Variants in ARHGAP24 observed in about 807,000 individuals in gnomAD.
The protein encoded by ARHGAP24 is rho GTPase-activating protein 24.
In ARHGAP24, 50 loss-of-function variants were observed where a neutral mutation model predicts 76.4. The ratio of observed to expected loss-of-function variants is 0.65; its 90% CI spans 0.52 to 0.83. The LOEUF (loss-of-function observed/expected upper bound fraction) is 0.83, where lower values mean the gene tolerates loss of function less well. Among genes scored for constraint, ARHGAP24 ranks in the 40% least tolerant of loss-of-function variants. ARHGAP24 has a pLI of 0.00. For synonymous variants in ARHGAP24, 345 were observed against 323.3 expected, an observed-to-expected ratio of 1.07 and a Z score of -0.72; for missense variants, 930 against 914.2, an observed-to-expected ratio of 1.02 and a Z score of -0.22.
intron 2 of ARHGAP24, among the ~76,000 whole-genome samples, chr4:85,683,635 A>T (rs765867097): frequency 6.7e-6 from 1 of 148,180 alleles, no homozygotes; most frequent in African/African-American, 2.5e-5. Context: ...CAGACACATA[A>T]CATGAGATCT....
chr4:85,570,736 A>C lies in ARHGAP24; in HGVS notation c.180+15A>C. On this transcript the variant is annotated intron_variant, in intron 2 of 9. Transcript: ENST00000395184. ...CCAAGCCCTTGGTGAGTAGGAGAAA[A>C]TGTAAAGCATTAAGGGCCTAAGAAA... 6.2e-7 allele frequency: 1 copy of C among 1,613,728 alleles called. No homozygotes were observed. The highest frequency in any genetic ancestry group is 8.5e-7 in the Non-Finnish European group (1 of 1,179,740).
At chr4:85,520,111 C>T (rs932531851) in intron 1 of ARHGAP24, among the ~76,000 whole-genome samples, 2 of 152,160 alleles carry the variant, frequency 1.3e-5, no homozygotes, top group African/African-American at 4.8e-5. Context: ...GGCTTCCTTT[C>T]TCATCATAAA....
chr4:85,813,891 C>T (rs1729122415), intron 3 of ARHGAP24, among the ~76,000 whole-genome samples: 1 of 149,056 alleles, frequency 6.7e-6, no homozygotes, highest in African/African-American at 2.5e-5. Context: ...CTGATAAAGA[C>T]ATACCCGAGA....
At chr4:85,568,342 A>C (rs1020532573) in intron 1 of ARHGAP24, among the ~76,000 whole-genome samples, 2 of 151,864 alleles carry the variant, frequency 1.3e-5, no homozygotes, top group Non-Finnish European at 2.9e-5. Flanking sequence ...GTGTGGTGGA[A>C]TGTTTGTTTT....
chr4:85,769,952 A>G (rs995537654), intron 3 of ARHGAP24, among the ~76,000 whole-genome samples: 3 of 152,180 alleles, frequency 2.0e-5, no homozygotes, highest in Admixed American at 2.0e-4. Context: ...TAAATTTTAC[A>G]TGATATACTT....
chr4:85,850,906 T>C (rs558434748), intron 3 of ARHGAP24, among the ~76,000 whole-genome samples: 1 of 152,336 alleles, frequency 6.6e-6, no homozygotes, highest in African/African-American at 2.4e-5. Context: ...AATGTGATGC[T>C]GAGAAGAATG....
At chr4:85,870,130 C>G (rs1017489199) in intron 3 of ARHGAP24, among the ~76,000 whole-genome samples, 6 of 152,022 alleles carry the variant, frequency 3.9e-5, no homozygotes, top group African/African-American at 1.4e-4. Flanking sequence ...TAAATTTGAG[C>G]TATTATTATC....
intron 3 of ARHGAP24, among the ~76,000 whole-genome samples, chr4:85,725,672 A>G (rs935053958): frequency 1.3e-5 from 2 of 152,264 alleles, no homozygotes; most frequent in African/African-American, 4.8e-5. Flanking sequence ...CTCTGGAATT[A>G]GAAATCCACT....
chr4:85,482,795 A>C (rs551749084), intron 1 of ARHGAP24, among the ~76,000 whole-genome samples: 64 of 152,284 alleles, frequency 4.2e-4, no homozygotes, highest in African/African-American at 1.5e-3. Flanking sequence ...CATGAGCCCT[A>C]TCTCTCTCTT....
At chr4:85,478,200 G>A (rs1480105266) in intron 1 of ARHGAP24, among the ~76,000 whole-genome samples, 1 of 152,172 alleles carries the variant, frequency 6.6e-6, no homozygotes, top group Non-Finnish European at 1.5e-5. Flanking sequence ...AAAATGGAAC[G>A]ATGCCTGTTT....
intron 3 of ARHGAP24, among the ~76,000 whole-genome samples, chr4:85,895,368 A>G (rs868199151): frequency 1.3e-5 from 2 of 152,178 alleles, no homozygotes; most frequent in Admixed American, 6.5e-5. Flanking sequence ...AAATTTATCT[A>G]CACTATGGCC....
At chr4:85,989,941 G>T (rs552918196) in intron 8 of ARHGAP24, 33 of 151,714 alleles carry the variant, frequency 2.2e-4, no homozygotes, top group Non-Finnish European at 3.8e-4. Context: ...CATTTCCATT[G>T]TACTGGAAAT....
intron 5 of ARHGAP24, among the ~76,000 whole-genome samples, chr4:85,956,337 G>A (rs1560744333): frequency 6.6e-6 from 1 of 152,174 alleles, no homozygotes; most frequent in Non-Finnish European, 1.5e-5. Flanking sequence ...AAGGTATGAT[G>A]GTGTGACAAA....
intron 1 of ARHGAP24, among the ~76,000 whole-genome samples, chr4:85,479,578 A>G (rs1722731484): frequency 6.6e-6 from 1 of 152,218 alleles, no homozygotes; most frequent in Non-Finnish European, 1.5e-5. Flanking sequence ...CTGGTGCTTG[A>G]GGGAAATTAA....
At chr4:85,923,398 G>C (rs1735840604) in intron 3 of ARHGAP24, among the ~76,000 whole-genome samples, 1 of 152,180 alleles carries the variant, frequency 6.6e-6, no homozygotes, top group Non-Finnish European at 1.5e-5. Context: ...GTGGGTTGTT[G>C]CTAGGACAAA....
chr4:85,963,932 G>C lies in ARHGAP24; in HGVS notation c.600-8104G>C, dbSNP rs1738418562. On this transcript the variant is annotated intron_variant, in intron 5 of 9. Coordinates refer to ENST00000395184, the MANE Select transcript of ARHGAP24 (RefSeq NM_001025616.3). ...TTTTTTTATTATACTTTAAGTTTTA[G>C]GGTACATGTGCACAACGTGCAGGTT... Among the ~76,000 whole-genome samples, 3 of 151,578 alleles carry C rather than the reference G, an allele frequency of 2.0e-5. No individual in the cohort carries two copies. In the South Asian group the frequency reaches 6.3e-4, roughly 32 times the overall value.
chr4:85,973,849 T>TCTG (rs1331728124), intron 6 of ARHGAP24, among the ~76,000 whole-genome samples: 1 of 128,230 alleles, frequency 7.8e-6, no homozygotes, highest in Non-Finnish European at 1.6e-5. Context: ...TTTTTTTTTT[T>TCTG]TTTTTTTTTT....
chr4:85,564,049 A>G (rs1726705078), intron 1 of ARHGAP24, among the ~76,000 whole-genome samples: 1 of 152,192 alleles, frequency 6.6e-6, no homozygotes, highest in Admixed American at 6.5e-5. Context: ...GTTTTTTAGT[A>G]AACACTGGAT....
chr4:85,830,426 A>G (rs1420963509), intron 3 of ARHGAP24, among the ~76,000 whole-genome samples: 1 of 152,102 alleles, frequency 6.6e-6, no homozygotes. Context: ...TTTTTAATCC[A>G]TCTAGTCCGT....
Sources: gnomAD v4.1 joint callset for allele counts (sites outside exome capture counted in the v4.1 genomes callset) on GRCh38, gnomAD v4.1.1 for gene constraint, MANE v1.5 for transcripts, NCBI Gene and HGNC (gene_info 2026-07-23, HGNC 2026-07-21) for gene names.